DPYD: variants seen among roughly 807,000 people sequenced by gnomAD.
DPYD encodes the protein dihydropyrimidine dehydrogenase.
In DPYD, 109 loss-of-function variants were observed where a neutral mutation model predicts 116.2. The ratio of observed to expected loss-of-function variants is 0.94; its 90% CI spans 0.80 to 1.10. DPYD has a LOEUF of 1.10. Among genes scored for constraint, DPYD ranks in the 50% least tolerant of loss-of-function variants. The pLI is 0.00. For synonymous variants in DPYD, 440 were observed against 432.0 expected, an observed-to-expected ratio of 1.02 and a Z score of -0.23; for missense variants, 1,302 against 1,254.5, an observed-to-expected ratio of 1.04 and a Z score of -0.57.
At chr1:97,352,579 A>C (rs1558049095) in intron 16 of DPYD, among the ~76,000 whole-genome samples, 3 of 150,502 alleles carry the variant, frequency 2.0e-5, no homozygotes, top group Non-Finnish European at 4.4e-5. Flanking sequence ...AAAAAAAAAA[A>C]TCTTACAGAT....
chr1:97,583,582 C>A (rs908885146), intron 10 of DPYD, among the ~76,000 whole-genome samples: 13 of 150,932 alleles, frequency 8.6e-5, no homozygotes, highest in Non-Finnish European at 1.6e-4. Flanking sequence ...CTGCCACCTG[C>A]TAATACTCTC....
At chr1:97,167,676 T>G (rs1327520752) in intron 20 of DPYD, among the ~76,000 whole-genome samples, 1 of 152,174 alleles carries the variant, frequency 6.6e-6, no homozygotes, top group Non-Finnish European at 1.5e-5. Context: ...TAAAACAGCA[T>G]ATTCATTGTT....
intron 8 of DPYD, among the ~76,000 whole-genome samples, chr1:97,658,615 A>T (rs1357041763): frequency 6.6e-6 from 1 of 152,144 alleles, no homozygotes; most frequent in Non-Finnish European, 1.5e-5. Context: ...GCATTTGCCC[A>T]AGTTCAATCT....
At chr1:97,279,528 T>C (rs1487668398) in intron 18 of DPYD, among the ~76,000 whole-genome samples, 1 of 152,114 alleles carries the variant, frequency 6.6e-6, no homozygotes, top group Non-Finnish European at 1.5e-5. Flanking sequence ...TTTGTTTACT[T>C]GAGATGGAGT....
At chr1:97,567,958 G>C (rs1652646631) in intron 11 of DPYD, among the ~76,000 whole-genome samples, 1 of 151,860 alleles carries the variant, frequency 6.6e-6, no homozygotes, top group African/African-American at 2.4e-5. Context: ...TGCCATGTTG[G>C]TGCGCTGCAT....
chr1:97,712,266 T>C (rs1314962592), intron 5 of DPYD, among the ~76,000 whole-genome samples: 1 of 152,072 alleles, frequency 6.6e-6, no homozygotes. Flanking sequence ...CTCTTTATTG[T>C]GCTCTGGTTG....
intron 2 of DPYD, among the ~76,000 whole-genome samples, chr1:97,869,043 C>G (rs1474473337): frequency 6.6e-6 from 1 of 151,830 alleles, no homozygotes; most frequent in Non-Finnish European, 1.5e-5. Context: ...TCAGCCTGGC[C>G]TTTTCTGATT....
chr1:97,575,946 A>C (rs764952470), intron 10 of DPYD, among the ~76,000 whole-genome samples: 28 of 152,176 alleles, frequency 1.8e-4, no homozygotes, highest in Admixed American at 7.9e-4. Flanking sequence ...CAGCTATTCA[A>C]TATCACTTAG....
At chr1:97,853,477 G>C (rs1670667004) in intron 2 of DPYD, among the ~76,000 whole-genome samples, 1 of 152,140 alleles carries the variant, frequency 6.6e-6, no homozygotes, top group African/African-American at 2.4e-5. Flanking sequence ...ATATTGCTGA[G>C]CACAACCTTA....
At chr1:97,102,756 T>C (rs1027067045) in intron 20 of DPYD, among the ~76,000 whole-genome samples, 3 of 151,932 alleles carry the variant, frequency 2.0e-5, no homozygotes, top group Non-Finnish European at 2.9e-5. Flanking sequence ...CAAATTATCA[T>C]TGTTATTAAT....
At chr1:97,618,944 T>A (rs540200821) in intron 8 of DPYD, among the ~76,000 whole-genome samples, 1 of 152,304 alleles carries the variant, frequency 6.6e-6, no homozygotes, top group Admixed American at 6.5e-5. Context: ...TGCAATCTTG[T>A]GTCTCATTTC....
At chr1:97,253,503 G>A (rs889213356) in intron 18 of DPYD, among the ~76,000 whole-genome samples, 10 of 152,136 alleles carry the variant, frequency 6.6e-5, no homozygotes, top group Admixed American at 3.9e-4. Flanking sequence ...GAGAGCTAAG[G>A]TTTTGCTAAG....
At chr1:97,751,271 G>A (rs1035697357) in intron 3 of DPYD, among the ~76,000 whole-genome samples, 1 of 148,842 alleles carries the variant, frequency 6.7e-6, no homozygotes, top group Non-Finnish European at 1.5e-5. Context: ...CATGGAGAGG[G>A]CTTTCAAAAT....
At chr1:97,920,234 T>C (rs1674440503) in intron 1 of DPYD, among the ~76,000 whole-genome samples, 1 of 152,192 alleles carries the variant, frequency 6.6e-6, no homozygotes, top group South Asian at 2.1e-4. Context: ...AAAAAGATTT[T>C]TTTTAACAGA....
intron 5 of DPYD, among the ~76,000 whole-genome samples, chr1:97,713,256 C>T (rs1323432860): frequency 6.6e-6 from 1 of 151,824 alleles, no homozygotes; most frequent in Non-Finnish European, 1.5e-5. Context: ...AAGCTTAAAC[C>T]AACGAATCCT....
intron 11 of DPYD, among the ~76,000 whole-genome samples, chr1:97,554,465 C>T (rs1014642396): frequency 2.6e-5 from 4 of 151,834 alleles, no homozygotes; most frequent in South Asian, 4.1e-4. Context: ...AAAATGATAC[C>T]TTGAAAACAT....
chr1:97,218,538 T>C (rs186450008), intron 19 of DPYD, among the ~76,000 whole-genome samples: 2 of 150,888 alleles, frequency 1.3e-5, no homozygotes, highest in Non-Finnish European at 2.9e-5. Context: ...TCTTCCTCCC[T>C]TTTCCTCTTT....
intron 3 of DPYD, among the ~76,000 whole-genome samples, chr1:97,768,354 T>G (rs1033628381): frequency 2.6e-5 from 4 of 152,202 alleles, no homozygotes; most frequent in African/African-American, 9.6e-5. Flanking sequence ...GTGTCCTGAA[T>G]GTGCCCTTGC....
intron 14 of DPYD, among the ~76,000 whole-genome samples, chr1:97,399,710 A>G (rs1673246249): frequency 6.6e-6 from 1 of 151,984 alleles, no homozygotes. Context: ...CTTTGAAGCA[A>G]TTGTGAATGG....
Sources: gnomAD v4.1 joint callset for allele counts (sites outside exome capture counted in the v4.1 genomes callset) on GRCh38, gnomAD v4.1.1 for gene constraint, MANE v1.5 for transcripts, NCBI Gene and HGNC (gene_info 2026-07-23, HGNC 2026-07-21) for gene names.